EDIL3: variants seen among roughly 807,000 people sequenced by gnomAD.
The protein encoded by EDIL3 is EGF-like repeat and discoidin I-like domain-containing protein 3.
EDIL3 carries 37 observed loss-of-function variants against 67.4 expected under a neutral mutation model. The ratio of observed to expected loss-of-function variants is 0.55; its 90% CI spans 0.42 to 0.72. The LOEUF (loss-of-function observed/expected upper bound fraction) is 0.72. Ranked by LOEUF, EDIL3 falls within the 30% of genes least tolerant of loss-of-function variation. EDIL3 has a pLI of 0.00. For missense variants in EDIL3, 527 were observed against 586.3 expected (o/e 0.90, Z 1.04); for synonymous variants, 195 against 196.3 (o/e 0.99, Z 0.05).
intron 1 of EDIL3, among the ~76,000 whole-genome samples, chr5:84,381,115 AT>A: frequency 6.6e-6 from 1 of 152,184 alleles, no homozygotes; most frequent in East Asian, 1.9e-4. Flanking sequence ...GACCATCTCA[AT>A]TTTTTCCTGA....
chr5:84,232,334 C>T (rs569540204), intron 2 of EDIL3, among the ~76,000 whole-genome samples: 17 of 152,216 alleles, frequency 1.1e-4, no homozygotes, highest in Non-Finnish European at 2.1e-4. Context: ...CCCTTACAAT[C>T]CAGGGACAGA....
chr5:84,192,688 G>C (rs72776535), intron 3 of EDIL3, among the ~76,000 whole-genome samples: 3 of 151,972 alleles, frequency 2.0e-5, no homozygotes, highest in African/African-American at 7.2e-5. Context: ...GTTCCACAGT[G>C]CTAAGTACCA....
intron 3 of EDIL3, among the ~76,000 whole-genome samples, chr5:84,228,484 T>G (rs1314691710): frequency 1.3e-5 from 2 of 152,104 alleles, no homozygotes; most frequent in Admixed American, 1.3e-4. Context: ...GTGATTAGGC[T>G]GGTCCTAAAA....
intron 5 of EDIL3, among the ~76,000 whole-genome samples, chr5:84,133,464 C>CAAAAAAAAAAAAAA (rs5869210): frequency 2.3e-5 from 2 of 86,536 alleles, no homozygotes; most frequent in Non-Finnish European, 4.5e-5. Flanking sequence ...ACTAAAAATA[C>CAAAAAAAAAAAAAA]AAAAAAAAAA....
At position 83,943,093 on chromosome 5, in the gene EDIL3, T is replaced by C. The variant is rs191948621; in HGVS notation, c.*326A>G. 1 of 269,488 alleles carries C rather than the reference T, an allele frequency of 3.7e-6. No individual in the cohort carries two copies. The highest frequency in any genetic ancestry group is 2.3e-5 in the African/African-American group (1 of 43,364). The allele number at this position is 269,488 out of a possible 1,614,324, so 16.7% of individuals were successfully genotyped here. On this transcript the variant is annotated 3_prime_UTR_variant, in exon 11 of 11. Coordinates refer to ENST00000296591, the MANE Select transcript of EDIL3 (RefSeq NM_005711.5). ...TTATTTGATGACTTTGAGACTTTTT[T>C]ACTCTTGCTATAAAAAGAAGGCTAC...
chr5:84,338,263 T>G (rs913891638), intron 1 of EDIL3, among the ~76,000 whole-genome samples: 62 of 152,282 alleles, frequency 4.1e-4, no homozygotes, highest in African/African-American at 1.3e-3. Context: ...GCTGTCCCTC[T>G]AACTTGCTTT....
intron 1 of EDIL3, among the ~76,000 whole-genome samples, chr5:84,304,638 T>C (rs1427665969): frequency 6.6e-6 from 1 of 152,228 alleles, no homozygotes; most frequent in Non-Finnish European, 1.5e-5. Flanking sequence ...GGTGAAATTA[T>C]GTTTTGAATG....
At chr5:84,096,380 T>G (rs1365125146) in intron 6 of EDIL3, among the ~76,000 whole-genome samples, 2 of 152,200 alleles carry the variant, frequency 1.3e-5, no homozygotes, top group Non-Finnish European at 2.9e-5. Context: ...ACCCACCTCT[T>G]GCATCAGCTT....
chr5:84,376,529 A>G (rs1201681573), intron 1 of EDIL3, among the ~76,000 whole-genome samples: 2 of 152,240 alleles, frequency 1.3e-5, no homozygotes, highest in Non-Finnish European at 1.5e-5. Flanking sequence ...TGAATATTAT[A>G]TTATCAACAG....
intron 9 of EDIL3, among the ~76,000 whole-genome samples, chr5:83,984,093 G>A (rs1456563960): frequency 5.9e-5 from 9 of 152,074 alleles, no homozygotes; most frequent in African/African-American, 2.2e-4. Flanking sequence ...AGTCAGGGCA[G>A]TTGGTTCAGA....
At chr5:84,221,180 T>C (rs1323691370) in intron 3 of EDIL3, among the ~76,000 whole-genome samples, 2 of 152,184 alleles carry the variant, frequency 1.3e-5, no homozygotes, top group Non-Finnish European at 2.9e-5. Flanking sequence ...GAAAACATAA[T>C]GGTCTTAAGG....
chr5:84,100,573 G>C (rs997979623), intron 6 of EDIL3, among the ~76,000 whole-genome samples: 2 of 152,142 alleles, frequency 1.3e-5, no homozygotes, highest in South Asian at 2.1e-4. Flanking sequence ...GGGGACTGTT[G>C]AGTGGGGCAG....
At chr5:84,234,809 AT>A (rs1198931055) in intron 2 of EDIL3, among the ~76,000 whole-genome samples, 3 of 152,292 alleles carry the variant, frequency 2.0e-5, no homozygotes, top group African/African-American at 7.2e-5. Flanking sequence ...TTTCAAGCAT[AT>A]AATTATCTAG....
At chr5:84,097,302 T>C (rs1288937056) in intron 6 of EDIL3, among the ~76,000 whole-genome samples, 2 of 152,186 alleles carry the variant, frequency 1.3e-5, no homozygotes, top group Non-Finnish European at 2.9e-5. Flanking sequence ...ACTGGTGAAT[T>C]AACTTTCGAA....
At chr5:84,336,735 C>T (rs147272486) in intron 1 of EDIL3, among the ~76,000 whole-genome samples, 3 of 152,082 alleles carry the variant, frequency 2.0e-5, no homozygotes, top group East Asian at 1.9e-4. Flanking sequence ...TGAGAGAATG[C>T]TAAATATCAC....
intron 9 of EDIL3, among the ~76,000 whole-genome samples, chr5:84,044,729 T>C (rs748579916): frequency 2.6e-5 from 4 of 152,076 alleles, no homozygotes; most frequent in Admixed American, 6.6e-5. Flanking sequence ...GTAGAAAGCC[T>C]AAGGTGGATG....
chr5:84,384,201 C>G (rs1748168639), intron 1 of EDIL3, 107 bp downstream of exon 1: 3 of 1,399,110 alleles, frequency 2.1e-6, no homozygotes, highest in Non-Finnish European at 2.9e-6. Context: ...CAGCGGCGCT[C>G]GCCACCCTTG....
intron 1 of EDIL3, among the ~76,000 whole-genome samples, chr5:84,259,203 C>T (rs1745179369): frequency 6.6e-6 from 1 of 152,082 alleles, no homozygotes; most frequent in East Asian, 1.9e-4. Flanking sequence ...TCATGATCTG[C>T]CTGCCTTGCC....
At chr5:84,177,490 T>C (rs1177779006) in intron 4 of EDIL3, among the ~76,000 whole-genome samples, 1 of 152,186 alleles carries the variant, frequency 6.6e-6, no homozygotes, top group African/African-American at 2.4e-5. Context: ...CTGTTCTATA[T>C]GATACTGTGA....
Sources: allele counts gnomAD v4.1 joint callset (sites outside exome capture counted in the v4.1 genomes callset), GRCh38; gene constraint gnomAD v4.1.1; transcripts MANE v1.5; gene names NCBI Gene and HGNC (gene_info 2026-07-23, HGNC 2026-07-21).